Variants in VPS54 observed in about 807,000 individuals in gnomAD.
VPS54 encodes the protein vacuolar protein sorting-associated protein 54.
Under a neutral mutation model 121.5 loss-of-function variants are expected in VPS54, and 45 were observed. The ratio of observed to expected loss-of-function variants is 0.37; its 90% CI spans 0.29 to 0.47. The LOEUF (loss-of-function observed/expected upper bound fraction) is 0.47. VPS54 is among the 20% of genes least tolerant of loss of function. The probability of loss-of-function intolerance (pLI) is 0.99; values close to 1 mark genes in which losing one functional copy is unlikely to be tolerated. For synonymous variants in VPS54, 371 were observed against 385.8 expected, an observed-to-expected ratio of 0.96 and a Z score of 0.45; for missense variants, 1,090 against 1,131.4, an observed-to-expected ratio of 0.96 and a Z score of 0.52.
intron 7 of VPS54, among the ~76,000 whole-genome samples, chr2:63,958,262 G>A (rs1442552006): frequency 1.3e-5 from 2 of 151,876 alleles, no homozygotes; most frequent in Non-Finnish European, 2.9e-5. Flanking sequence ...GGAGCTCAGA[G>A]GTCACCAAAA....
intron 10 of VPS54, 51 bp downstream of exon 10, chr2:63,944,549 C>G (rs1470010916): frequency 6.1e-6 from 9 of 1,486,046 alleles, no homozygotes; most frequent in South Asian, 2.3e-5. Flanking sequence ...TAATTTACAT[C>G]TATCATCTTT....
intron 12 of VPS54, 31 bp from the exon 13 acceptor site, chr2:63,921,366 G>C (rs1481609695): frequency 5.7e-5 from 91 of 1,606,804 alleles, no homozygotes; most frequent in Non-Finnish European, 7.7e-5. Flanking sequence ...TTTAGTCAGG[G>C]AAAGTTGTAA....
In VPS54 at chr2:63,920,541, G is replaced by C. The variant is rs763222756; in HGVS notation, c.1956C>G (p.Ile652Met). The C allele has an allele frequency of 6.3e-6, 10 of 1,587,408 alleles. No individual in the cohort carries two copies. The East Asian group carries it at 1.2e-4, about 19-fold the overall frequency. ...METFILDTEQICGRKSTSLLG... is the reference protein window; with the variant it reads ...METFILDTEQMCGRKSTSLLG... ...GTAATGACGTGCTTTTTCTTCCACA[G>C]ATCTGTTCGGTGTCTAAAATGAATG... The change falls in exon 14 of 23, where the codon ATC (isoleucine) becomes ATG (methionine). Residue 652 changes from isoleucine (I) to methionine (M), a missense_variant. Transcript: ENST00000272322.
rs191795455 is a variant in VPS54, at chr2:63,997,392, G to C, written c.-20-13373C>G. Among the ~76,000 whole-genome samples, 20 of 152,240 alleles carry C rather than the reference G, an allele frequency of 1.3e-4. No individual in the cohort carries two copies. The East Asian group carries it at 2.5e-3, about 19-fold the overall frequency. ...TTATCTTATTACTTGTTATTGGTCTGTTCACACCCTGGGTTTCTTCATGGT... is the reference window on the plus strand; with the variant it reads ...TTATCTTATTACTTGTTATTGGTCTCTTCACACCCTGGGTTTCTTCATGGT... On this transcript the variant is annotated intron_variant, in intron 1 of 22. Transcript: ENST00000272322.
chr2:63,930,281 C>T (rs1483675228), intron 12 of VPS54, among the ~76,000 whole-genome samples: 4 of 152,082 alleles, frequency 2.6e-5, no homozygotes, highest in East Asian at 1.9e-4. Context: ...ACCGGCAAAC[C>T]GAATCCAGCA....
rs769144851 is a variant in VPS54, at chr2:63,965,878, T to C, written c.581A>G (p.Lys194Arg). 1 of 1,612,872 alleles carries C rather than the reference T, an allele frequency of 6.2e-7. No individual in the cohort carries two copies. Among genetic ancestry groups the C allele is most frequent in the South Asian group, 1.1e-5 (1 of 90,482 alleles). Residue 194 changes from lysine to arginine, a missense_variant, in exon 6 of 23, where the codon AAA becomes AGA. Physicochemically the swap from Lys to Arg is conservative, Grantham distance 26. Coordinates refer to ENST00000272322, the MANE Select transcript of VPS54 (RefSeq NM_016516.3). Reference sequence around the variant, plus strand: ...TGAGGAAGCTGCATCACGATTTCCTTTTCCACCAGCAGTATTAAAATGAGA... The same window carrying C: ...TGAGGAAGCTGCATCACGATTTCCTCTTCCACCAGCAGTATTAAAATGAGA... ...PWSHFNTAGG[K>R]GNRDAASSKL...
chr2:63,945,477 C>T (rs1449604867), intron 9 of VPS54, among the ~76,000 whole-genome samples: 1 of 151,808 alleles, frequency 6.6e-6, no homozygotes, highest in African/African-American at 2.4e-5. Flanking sequence ...TAATCTATAC[C>T]AAAAAAACTC....
chr2:63,922,579 A>T (rs1673694939), intron 12 of VPS54, among the ~76,000 whole-genome samples: 1 of 152,190 alleles, frequency 6.6e-6, no homozygotes, highest in Non-Finnish European at 1.5e-5. Context: ...ATAAATAACC[A>T]CCTATGGAGG....
At chr2:63,894,374 A>G (rs1011264018) in intron 22 of VPS54, among the ~76,000 whole-genome samples, 3 of 152,176 alleles carry the variant, frequency 2.0e-5, no homozygotes, top group African/African-American at 7.2e-5. Context: ...ATGACTTAGC[A>G]ATTTATCACT....
At chr2:63,927,812 G>C (rs1306585365) in intron 12 of VPS54, among the ~76,000 whole-genome samples, 1 of 152,144 alleles carries the variant, frequency 6.6e-6, no homozygotes, top group Non-Finnish European at 1.5e-5. Context: ...CTAGAGAAAA[G>C]CTTAAATGAC....
intron 7 of VPS54, among the ~76,000 whole-genome samples, chr2:63,959,229 C>G (rs150189617): frequency 6.6e-6 from 1 of 152,228 alleles, no homozygotes; most frequent in Non-Finnish European, 1.5e-5. Flanking sequence ...AGTAAATCAT[C>G]ATATAGGATT....
At chr2:63,965,222 ATC>A (rs1359725622) in intron 6 of VPS54, among the ~76,000 whole-genome samples, 2 of 152,210 alleles carry the variant, frequency 1.3e-5, no homozygotes, top group Non-Finnish European at 2.9e-5. Flanking sequence ...CACATCCGTA[ATC>A]TCAGCACTTT....
chr2:63,987,387 C>G (rs1256858144), intron 1 of VPS54, among the ~76,000 whole-genome samples: 1 of 152,116 alleles, frequency 6.6e-6, no homozygotes, highest in Middle Eastern at 3.2e-3. Context: ...TTTCTGGGTT[C>G]TCTACTTGGT....
chr2:63,970,212 TACACACACACAC>T (rs150635007), intron 4 of VPS54, among the ~76,000 whole-genome samples: 11 of 113,692 alleles, frequency 9.7e-5, no homozygotes, highest in African/African-American at 2.2e-4. Flanking sequence ...AATATATATA[TACACACACACAC>T]ACACACACAC....
intron 11 of VPS54, among the ~76,000 whole-genome samples, chr2:63,940,996 A>G (rs1674700507): frequency 6.6e-6 from 1 of 152,194 alleles, no homozygotes; most frequent in African/African-American, 2.4e-5. Flanking sequence ...GAGAGCTTAC[A>G]CATGTGACTT....
chr2:63,931,908 C>T (rs1412041030), intron 12 of VPS54, among the ~76,000 whole-genome samples: 1 of 152,186 alleles, frequency 6.6e-6, no homozygotes, highest in Admixed American at 6.5e-5. Context: ...TGAAAAAATG[C>T]TCATCATCAC....
chr2:63,920,387 C>G, intron 14 of VPS54, 59 bp downstream of exon 14: 1 of 1,359,786 alleles, frequency 7.4e-7, no homozygotes, highest in Non-Finnish European at 9.5e-7. Flanking sequence ...TTAAACATAA[C>G]TGTGTTTCAC....
chr2:63,942,595 T>G lies in VPS54; in HGVS notation c.1302-34A>C, dbSNP rs755702071. 1.9e-5 allele frequency: 29 copies of G among 1,510,596 alleles called. No individual in the cohort carries two copies. The South Asian group carries it at 3.4e-4, about 18-fold the overall frequency. 93.6% of individuals were successfully genotyped at this position (1,510,596 alleles called of 1,614,324 possible). A position where few individuals can be genotyped will look rare whatever the true frequency, so the allele number is the denominator to read the frequency against. ...AAATAATTCAAACAAAAATAATGAT[T>G]GTCTCTGGGCCAATCAATATAACAT... On this transcript the variant is annotated intron_variant, in intron 10 of 22. Transcript: ENST00000272322.
intron 8 of VPS54, among the ~76,000 whole-genome samples, 163 bp from the exon 9 acceptor site, chr2:63,947,653 G>GA (rs1295045917): frequency 6.6e-6 from 1 of 151,872 alleles, no homozygotes; most frequent in Non-Finnish European, 1.5e-5. Context: ...ATCTTATCAT[G>GA]AGATTTTTGG....
Sources: gnomAD v4.1 joint callset for allele counts (sites outside exome capture counted in the v4.1 genomes callset) on GRCh38, gnomAD v4.1.1 for gene constraint, MANE v1.5 for transcripts, NCBI Gene and HGNC (gene_info 2026-07-23, HGNC 2026-07-21) for gene names.